SPTBN4: variants seen among roughly 807,000 people sequenced by gnomAD.
The protein encoded by SPTBN4 is spectrin beta chain, non-erythrocytic 4.
In SPTBN4, 96 loss-of-function variants were observed where a neutral mutation model predicts 277.8. That is an observed-to-expected ratio of 0.35 (90% CI 0.29 to 0.41). The LOEUF is 0.41. Among genes scored for constraint, SPTBN4 ranks in the 10% least tolerant of loss-of-function variants. The pLI is 1.00. For missense variants in SPTBN4, 3,006 were observed against 3,595.7 expected (o/e 0.84, Z 4.19); for synonymous variants, 1,481 against 1,580.3 (o/e 0.94, Z 1.49).
At chr19:40,518,625 T>C (rs1164933639) in intron 15 of SPTBN4, among the ~76,000 whole-genome samples, 1 of 152,024 alleles carries the variant, frequency 6.6e-6, no homozygotes, top group Admixed American at 6.6e-5. Context: ...AGTCTCACCA[T>C]GTTGCCCAGG....
At chr19:40,489,953 T>C (rs538155589) in intron 3 of SPTBN4, 122 bp from the exon 4 acceptor site, 3 of 1,003,988 alleles carry the variant, frequency 3.0e-6, no homozygotes, top group African/African-American at 3.3e-5. Context: ...GAGGACAGCC[T>C]GATCCTGGAC....
At chr19:40,570,810 G>C in intron 33 of SPTBN4, 82 bp downstream of exon 33, 2 of 1,444,490 alleles carry the variant, frequency 1.4e-6, no homozygotes, top group Non-Finnish European at 1.8e-6. Flanking sequence ...TGAGGAGGGG[G>C]TGTGGCTCAA....
At position 40,512,799 on chromosome 19, in the gene SPTBN4, G is replaced by T; in HGVS notation, c.2010G>T (p.Ala670=). ...ARDKERLLEA[A]GGGGAAGAAG... ...ACAAGGAGCGTCTCCTGGAGGCTGC[G>T]GGCGGCGGCGGTGCGGCGGGCGCAG... The change falls in exon 14 of 36, where the codon GCG becomes GCT. Residue 670 remains alanine (A), a synonymous_variant. Coordinates refer to ENST00000598249, the MANE Select transcript of SPTBN4 (RefSeq NM_020971.3). 2 of 1,463,898 alleles carry T rather than the reference G, an allele frequency of 1.4e-6. No homozygotes were observed. The highest frequency in any genetic ancestry group is 1.8e-6 in the Non-Finnish European group (2 of 1,121,352). The allele number at this position is 1,463,898 out of a possible 1,614,324, so 90.7% of individuals were successfully genotyped here.
chr19:40,510,495 G>A (rs1017178548), intron 13 of SPTBN4, among the ~76,000 whole-genome samples: 1 of 152,072 alleles, frequency 6.6e-6, no homozygotes, highest in Non-Finnish European at 1.5e-5. Flanking sequence ...GGTAGAGATG[G>A]GGTTTTGCCG....
Position 40,560,467 on chromosome 19 carries a change from C to T in SPTBN4, c.5915+64C>T. ...GGTGGCCTACCCCAGCCACCCCCAG[C>T]CCATTGACAGCCCCCTTCTCAATGG... On this transcript the variant is annotated intron_variant, in intron 27 of 35. Coordinates refer to ENST00000598249, the MANE Select transcript of SPTBN4 (RefSeq NM_020971.3). The surrounding 1 kb of genome is among the most constrained non-coding windows in gnomAD (Gnocchi z 5.2). 6.2e-7 allele frequency: 1 copy of T among 1,609,642 alleles called. No homozygotes were observed. The highest frequency in any genetic ancestry group is 8.5e-7 in the Non-Finnish European group (1 of 1,177,318).
At chr19:40,467,605 G>T (rs1456027660) in intron 1 of SPTBN4, among the ~76,000 whole-genome samples, 1 of 148,750 alleles carries the variant, frequency 6.7e-6, no homozygotes, top group Non-Finnish European at 1.5e-5. Flanking sequence ...CCGCAGCCCA[G>T]CGCCCCACCA....
At chr19:40,480,836 G>A (rs1265046295) in intron 2 of SPTBN4, among the ~76,000 whole-genome samples, 1 of 152,146 alleles carries the variant, frequency 6.6e-6, no homozygotes, top group Admixed American at 6.5e-5. Context: ...GCCAAGGCAG[G>A]CGGATTACTT....
chr19:40,520,262 G>A lies in SPTBN4; in HGVS notation c.3654+111G>A, dbSNP rs530021444. On this transcript the variant is annotated intron_variant, in intron 16 of 35. Transcript: ENST00000598249. ...GGAGGGTGTTTCCTGGGACCACTGG[G>A]TTCTGAGGTGGGTGGGAGGTGAGAG... 15 of 1,205,618 alleles carry A rather than the reference G, an allele frequency of 1.2e-5. No individual in the cohort carries two copies. The Admixed American group carries it at 4.7e-4, about 38-fold the overall frequency. 74.7% of individuals were successfully genotyped at this position (1,205,618 alleles called of 1,614,324 possible).
chr19:40,474,151 CAAAAAAA>C (rs71173641), intron 2 of SPTBN4, among the ~76,000 whole-genome samples: 2 of 34,448 alleles, frequency 5.8e-5, no homozygotes, highest in African/African-American at 1.3e-4. Context: ...GAACCTATCT[CAAAAAAA>C]AAAAAAAAAA....
chr19:40,527,824 GGCGGGT>G (rs1410578439), intron 17 of SPTBN4, among the ~76,000 whole-genome samples: 2 of 152,214 alleles, frequency 1.3e-5, no homozygotes, highest in Admixed American at 6.5e-5. Flanking sequence ...GGGAGGCCAA[GGCGGGT>G]GGATCACTTG....
intron 35 of SPTBN4, among the ~76,000 whole-genome samples, chr19:40,573,073 C>T (rs569986736): frequency 1.8e-4 from 28 of 152,330 alleles, no homozygotes; most frequent in South Asian, 6.2e-4. Context: ...CTTTGGGAGG[C>T]CAAGGCAGGA....
Position 40,575,425 on chromosome 19 carries a change from C to G in SPTBN4, c.7551C>G (p.Gly2517=). The stretch of plus-strand genomic sequence containing the variant: ...TCTTCCCCCAGGAGGAGATGAACGG[C>G]TGGCTGGAGGCTGTAGCTTCCTCGG... ...LQAKDEEEMN[G]WLEAVASSVA... Residue 2517 remains glycine (G), a synonymous_variant, in exon 36 of 36, where the codon GGC becomes GGG. Transcript: ENST00000598249. 6.2e-7 allele frequency: 1 copy of G among 1,613,390 alleles called. No individual in the cohort carries two copies. Among genetic ancestry groups the G allele is most frequent in the South Asian group, 1.1e-5 (1 of 90,960 alleles).
At position 40,572,593 on chromosome 19, in the gene SPTBN4, C is replaced by T. The variant is rs536998871; in HGVS notation, c.7536+213C>T. ...GCTTCAGGGAGGGCTGCCTGCAGAT[C>T]CTGATGACAAAGTCCAACATCTTTG... On this transcript the variant is annotated intron_variant, in intron 35 of 35. Transcript: ENST00000598249. 3 of 587,196 alleles carry T rather than the reference C, an allele frequency of 5.1e-6. No homozygotes were observed. The South Asian group carries it at 6.3e-5, about 12-fold the overall frequency. 36.4% of individuals were successfully genotyped at this position (587,196 alleles called of 1,614,324 possible).
At position 40,554,470 on chromosome 19, in the gene SPTBN4, CG is replaced by C. The variant is rs751831214; in HGVS notation, c.4954-41del. On this transcript the variant is annotated intron_variant, in intron 23 of 35. Coordinates refer to ENST00000598249, the MANE Select transcript of SPTBN4 (RefSeq NM_020971.3). The surrounding 1 kb of genome is among the most constrained non-coding windows in gnomAD (Gnocchi z 5.7). ...GCGGAGGGCCTGGGGGCGCTGGAGC[CG>C]GGGGCCGCCGCTGCCGCCTCATCGT... The C allele has an allele frequency of 8.7e-6, 13 of 1,488,540 alleles. No homozygotes were observed. In the East Asian group the frequency reaches 2.7e-4, roughly 31 times the overall value. The allele number at this position is 1,488,540 out of a possible 1,614,324, so 92.2% of individuals were successfully genotyped here.
At chr19:40,475,082 A>C (rs1172311432) in intron 2 of SPTBN4, among the ~76,000 whole-genome samples, 16 of 152,022 alleles carry the variant, frequency 1.1e-4, no homozygotes, top group Admixed American at 1.1e-3. Flanking sequence ...AGACCAGAGA[A>C]CTTTATAGTT....
intron 1 of SPTBN4, among the ~76,000 whole-genome samples, chr19:40,469,545 G>A (rs756575786): frequency 1.1e-4 from 16 of 152,046 alleles, no homozygotes; most frequent in Non-Finnish European, 2.1e-4. Context: ...TTACAGGTGT[G>A]AGCCACCACG....
In SPTBN4 at chr19:40,554,161, G is replaced by A; in HGVS notation, c.4689G>A (p.Glu1563=). 6.9e-7 allele frequency: 1 copy of A among 1,442,704 alleles called. No homozygotes were observed. Among genetic ancestry groups the A allele is most frequent in the Non-Finnish European group, 9.0e-7 (1 of 1,113,834 alleles). 89.4% of individuals were successfully genotyped at this position (1,442,704 alleles called of 1,614,324 possible). A position where few individuals can be genotyped will look rare whatever the true frequency, so the allele number is the denominator to read the frequency against. Residue 1563 remains glutamate (E), a synonymous_variant, in exon 23 of 36, where the codon GAG becomes GAA. Transcript: ENST00000598249. This position sits in a 1 kb window ranked among gnomAD's most constrained non-coding sequence, Gnocchi z 5.7. ...CCTGCCCCCAGGGCCTGCGGCGGGA[G>A]ATCCAGGCGCATGGGCCGCGCCTGG... ...HIKKNQGLRR[E]IQAHGPRLEE...
At chr19:40,508,910 C>T (rs1278999348) in intron 13 of SPTBN4, among the ~76,000 whole-genome samples, 3 of 151,664 alleles carry the variant, frequency 2.0e-5, no homozygotes, top group Admixed American at 6.6e-5. Flanking sequence ...TCATCTGAGC[C>T]GGCGAGGGGA....
chr19:40,471,078 T>C (rs369653061), intron 1 of SPTBN4, among the ~76,000 whole-genome samples: 14 of 151,892 alleles, frequency 9.2e-5, no homozygotes, highest in African/African-American at 3.1e-4. Flanking sequence ...GCCTCCTGAA[T>C]ACCTGGGATT....
Sources: gnomAD v4.1 joint callset for allele counts (sites outside exome capture counted in the v4.1 genomes callset) on GRCh38, gnomAD v4.1.1 for gene constraint, Gnocchi (gnomAD v3.1) non-coding constraint, MANE v1.5 for transcripts, NCBI Gene and HGNC (gene_info 2026-07-23, HGNC 2026-07-21) for gene names.